The following RAB30 variants were observed in gnomAD, a reference collection of about 807,000 sequenced individuals.
RAB30 encodes ras-related protein Rab-30.
A neutral mutation model predicts 25.1 loss-of-function variants in RAB30; 9 were observed. The ratio of observed to expected loss-of-function variants is 0.36; its 90% CI spans 0.22 to 0.63. The LOEUF is 0.63. Ranked by LOEUF, RAB30 falls within the 20% of genes least tolerant of loss-of-function variation. RAB30 has a pLI of 0.69. For synonymous variants in RAB30, 77 were observed against 86.4 expected (o/e 0.89, Z 0.60); for missense variants, 140 against 243.5 (o/e 0.58, Z 2.83).
chr11:83,009,835 A>C (rs1857266966), intron 1 of RAB30, among the ~76,000 whole-genome samples: 1 of 152,170 alleles, frequency 6.6e-6, no homozygotes, highest in Non-Finnish European at 1.5e-5. Context: ...AAGCCTTCAC[A>C]AGGTCCACAC....
rs1255791643 is a variant in RAB30, at chr11:82,978,327, TAAGA to T, written c.*3834_*3837del. On this transcript the variant is annotated 3_prime_UTR_variant, in exon 5 of 5. Transcript: ENST00000527633. ...TATGAAATACAGAGTTCTACAAGAT[TAAGA>T]AATAAAAAAGACATTAGATTTTTGC... is the stretch of plus-strand genomic sequence containing the variant. 1.3e-5 allele frequency: 2 copies of T among 152,030 alleles called. No homozygotes were observed. The highest frequency in any genetic ancestry group is 2.9e-5 in the Non-Finnish European group (2 of 67,996). The allele number at this position is 152,030 out of a possible 1,614,324, so 9.4% of individuals were successfully genotyped here.
At chr11:83,060,580 A>T (rs1858549739) in intron 1 of RAB30, among the ~76,000 whole-genome samples, 1 of 152,230 alleles carries the variant, frequency 6.6e-6, no homozygotes, top group African/African-American at 2.4e-5. Context: ...AAAAATTCTC[A>T]CCACAAGTGT....
intron 1 of RAB30, among the ~76,000 whole-genome samples, chr11:83,002,173 AG>A (rs1164990544): frequency 6.6e-6 from 1 of 152,170 alleles, no homozygotes; most frequent in Non-Finnish European, 1.5e-5. Context: ...TGAGGGCTAG[AG>A]GCTCAGTTGA....
chr11:83,022,982 T>TAC, intron 1 of RAB30, among the ~76,000 whole-genome samples: 1 of 151,390 alleles, frequency 6.6e-6, no homozygotes, highest in East Asian at 1.9e-4. Context: ...TGTGTATATA[T>TAC]ATATATGTAT....
chr11:83,032,498 CTTTCT>C (rs1857889713), intron 1 of RAB30, among the ~76,000 whole-genome samples: 1 of 152,086 alleles, frequency 6.6e-6, no homozygotes, highest in Admixed American at 6.6e-5. Flanking sequence ...TCACAATTTT[CTTTCT>C]TTTATTTTTT....
chr11:83,017,744 G>A (rs1857470608), intron 1 of RAB30, among the ~76,000 whole-genome samples: 1 of 152,152 alleles, frequency 6.6e-6, no homozygotes, highest in African/African-American at 2.4e-5. Context: ...ATATCATGGT[G>A]TATATATACC....
chr11:83,031,121 T>A (rs544868053), intron 1 of RAB30, among the ~76,000 whole-genome samples: 1 of 152,292 alleles, frequency 6.6e-6, no homozygotes, highest in South Asian at 2.1e-4. Context: ...AGGAAACCAA[T>A]CCTGCCAGCA....
chr11:83,014,686 G>GAA (rs1555035179), intron 1 of RAB30, among the ~76,000 whole-genome samples: 19 of 134,600 alleles, frequency 1.4e-4, no homozygotes, highest in African/African-American at 4.1e-4. Flanking sequence ...AAGAAAGAAA[G>GAA]AAAGAAAGAG....
intron 1 of RAB30, among the ~76,000 whole-genome samples, chr11:83,032,024 G>A (rs545571288): frequency 1.3e-5 from 2 of 152,262 alleles, no homozygotes; most frequent in East Asian, 1.9e-4. Flanking sequence ...CTGAAAGGAC[G>A]CCAAAGAAAG....
chr11:82,991,935 A>G (rs1856858972), intron 3 of RAB30, among the ~76,000 whole-genome samples: 1 of 152,194 alleles, frequency 6.6e-6, no homozygotes, highest in African/African-American at 2.4e-5. Context: ...GAATAAATGG[A>G]ATATTTATGC....
chr11:83,011,458 C>T (rs1420438935), intron 1 of RAB30, among the ~76,000 whole-genome samples: 1 of 152,122 alleles, frequency 6.6e-6, no homozygotes, highest in Non-Finnish European at 1.5e-5. Flanking sequence ...ACCACTATGA[C>T]AAAATAAATG....
chr11:82,987,677 T>C lies in RAB30; in HGVS notation c.271A>G (p.Ile91Val), dbSNP rs772642769. ...CAACGGAAGGATTCCTCACAGGTAA[T>C]GTCATAGGTGAGGATCAAGGCATTG... is the stretch of plus-strand genomic sequence containing the variant. ...SANALILTYD[I>V]TCEESFRCLP... Residue 91 changes from isoleucine to valine, a missense_variant, in exon 4 of 5, where the codon ATT becomes GTT. Physicochemically the swap from Ile to Val is conservative, Grantham distance 29. Coordinates refer to ENST00000527633, the MANE Select transcript of RAB30 (RefSeq NM_001286060.2). 3 of 1,613,202 alleles carry C rather than the reference T, an allele frequency of 1.9e-6. No individual in the cohort carries two copies. The highest frequency in any genetic ancestry group is 2.5e-6 in the Non-Finnish European group (3 of 1,179,378).
At position 82,981,430 on chromosome 11, in the gene RAB30, A is replaced by G. The variant is rs998986317; in HGVS notation, c.*735T>C. 1.3e-5 allele frequency: 2 copies of G among 152,654 alleles called. No homozygotes were observed. Among genetic ancestry groups the G allele is most frequent in the Non-Finnish European group, 2.9e-5 (2 of 68,024 alleles). 9.5% of individuals were successfully genotyped at this position (152,654 alleles called of 1,614,324 possible). ...AAAAAGGTAGTAATGAGACTTTGAG[A>G]AAGAGTGCTGATTCATGGACTTCCC... is the stretch of plus-strand genomic sequence containing the variant. On this transcript the variant is annotated 3_prime_UTR_variant, in exon 5 of 5. Coordinates refer to ENST00000527633, the MANE Select transcript of RAB30 (RefSeq NM_001286060.2).
At chr11:83,068,454 T>C (rs980902673) in intron 1 of RAB30, among the ~76,000 whole-genome samples, 15 of 152,280 alleles carry the variant, frequency 9.9e-5, no homozygotes, top group Non-Finnish European at 1.6e-4. Context: ...CTCCTCTACT[T>C]AACAGCCAGG....
rs78810889 is a variant in RAB30 at position 83,062,336 on chromosome 11, T to C, written c.-9+9355A>G. 7.5e-3 allele frequency among the ~76,000 whole-genome samples: 1,141 copies of C among 152,346 alleles called. 22 individuals carry two copies. The highest frequency in any genetic ancestry group is 0.026 in the African/African-American group (1,100 of 41,584). ...ACAATACAACTTTGTAGAGCATCTT[T>C]TATTGAAGACTCTCATTAAAAGATA... is the stretch of plus-strand genomic sequence containing the variant. On this transcript the variant is annotated intron_variant, in intron 1 of 4. Coordinates refer to ENST00000527633, the MANE Select transcript of RAB30 (RefSeq NM_001286060.2).
At chr11:83,057,562 G>A (rs1014993417) in intron 1 of RAB30, among the ~76,000 whole-genome samples, 1 of 152,176 alleles carries the variant, frequency 6.6e-6, no homozygotes, top group Non-Finnish European at 1.5e-5. Flanking sequence ...TCAGAAACTG[G>A]GCGTTGGGTT....
At chr11:83,069,357 T>C (rs77681888) in intron 1 of RAB30, among the ~76,000 whole-genome samples, 3 of 152,208 alleles carry the variant, frequency 2.0e-5, no homozygotes, top group Non-Finnish European at 2.9e-5. Context: ...GCAGTTAGAC[T>C]TTCCACACCT....
At chr11:83,017,339 A>AAAT in intron 1 of RAB30, among the ~76,000 whole-genome samples, 1 of 152,102 alleles carries the variant, frequency 6.6e-6, no homozygotes, top group East Asian at 1.9e-4. Context: ...CCCTGTATCA[A>AAAT]AATAATAATA....
At position 83,050,894 on chromosome 11, in the gene RAB30, G is replaced by A. The variant is rs571228073; in HGVS notation, c.-9+20797C>T. Among the ~76,000 whole-genome samples the A allele has an allele frequency of 5.8e-4, 88 of 152,188 alleles. 2 individuals are homozygous for A. Among genetic ancestry groups the A allele is most frequent in the African/African-American group, 2.0e-3 (84 of 41,524 alleles). On this transcript the variant is annotated intron_variant, in intron 1 of 4. Coordinates refer to ENST00000527633, the MANE Select transcript of RAB30 (RefSeq NM_001286060.2). ...GGAAAGGTTGCAGTGAACCGAGATC[G>A]CATCACTGTACTGCAGCCTGGGCAA... is the stretch of plus-strand genomic sequence containing the variant.
Sources: allele counts gnomAD v4.1 joint callset (sites outside exome capture counted in the v4.1 genomes callset), GRCh38; gene constraint gnomAD v4.1.1; transcripts MANE v1.5; gene names NCBI Gene and HGNC (gene_info 2026-07-23, HGNC 2026-07-21).